The following HHAT variants were observed in gnomAD, a reference collection of about 807,000 sequenced individuals.
HHAT encodes the protein protein-cysteine N-palmitoyltransferase HHAT.
In HHAT, 47 loss-of-function variants were observed where a neutral mutation model predicts 70.8. The ratio of observed to expected loss-of-function variants is 0.66; its 90% CI spans 0.53 to 0.85. The LOEUF (loss-of-function observed/expected upper bound fraction) is 0.85. Ranked by LOEUF, HHAT falls within the 40% of genes least tolerant of loss-of-function variation. HHAT has a pLI of 0.00. For missense variants in HHAT, 609 were observed against 604.8 expected (o/e 1.01, Z -0.07); for synonymous variants, 228 against 247.6 (o/e 0.92, Z 0.74).
At chr1:210,558,473 C>T (rs966852069) in intron 9 of HHAT, among the ~76,000 whole-genome samples, 10 of 152,110 alleles carry the variant, frequency 6.6e-5, no homozygotes, top group Admixed American at 2.0e-4. Flanking sequence ...CAGGACTTGC[C>T]TTTGGGTCTT....
intron 3 of HHAT, chr1:210,374,211 C>G (rs1051331974): frequency 2.0e-5 from 3 of 152,112 alleles, no homozygotes; most frequent in Admixed American, 2.0e-4. Context: ...TGTTTCTCTC[C>G]ACGGAAATCT....
chr1:210,631,075 TACAA>T (rs960998366), intron 11 of HHAT: 2 of 456,634 alleles, frequency 4.4e-6, no homozygotes, highest in African/African-American at 4.0e-5. Context: ...CTGCATTTCT[TACAA>T]ACAGAGGTAC....
At chr1:210,438,259 G>T (rs1426516386) in intron 7 of HHAT, among the ~76,000 whole-genome samples, 1 of 151,812 alleles carries the variant, frequency 6.6e-6, no homozygotes, top group Non-Finnish European at 1.5e-5. Context: ...AGGTGGATCA[G>T]ATAACTCTAG....
chr1:210,522,432 C>T (rs977584099), intron 9 of HHAT, among the ~76,000 whole-genome samples: 3 of 152,124 alleles, frequency 2.0e-5, no homozygotes, highest in African/African-American at 7.2e-5. Context: ...TGAAGAGACC[C>T]GGGTAACCAA....
At chr1:210,382,555 AT>A (rs1168411880) in intron 3 of HHAT, among the ~76,000 whole-genome samples, 1 of 152,178 alleles carries the variant, frequency 6.6e-6, no homozygotes, top group African/African-American at 2.4e-5. Flanking sequence ...AGAGAGATCC[AT>A]TTTTCCCTCC....
intron 1 of HHAT, among the ~76,000 whole-genome samples, chr1:210,333,914 C>T (rs569452620): frequency 2.0e-5 from 3 of 152,194 alleles, no homozygotes; most frequent in South Asian, 4.1e-4. Flanking sequence ...ACCTTGGCCT[C>T]CCAAAGTGCT....
intron 10 of HHAT, chr1:210,588,977 C>G (rs1270576340): frequency 6.6e-6 from 1 of 152,156 alleles, no homozygotes; most frequent in Non-Finnish European, 1.5e-5. Flanking sequence ...ATGGGCATAG[C>G]TTTTATCTTG....
intron 10 of HHAT, chr1:210,590,152 G>A (rs1389284203): frequency 3.3e-5 from 5 of 152,062 alleles, no homozygotes; most frequent in African/African-American, 7.2e-5. Flanking sequence ...TGATTATTTA[G>A]TTCTTCCTCC....
At chr1:210,635,634 G>A (rs2148899893) in intron 11 of HHAT, among the ~76,000 whole-genome samples, 1 of 152,276 alleles carries the variant, frequency 6.6e-6, no homozygotes, top group African/African-American at 2.4e-5. Flanking sequence ...AATCTGTTAA[G>A]TCTTCATAAT....
At chr1:210,609,023 A>G (rs528176885) in intron 10 of HHAT, among the ~76,000 whole-genome samples, 5 of 152,122 alleles carry the variant, frequency 3.3e-5, no homozygotes, top group Non-Finnish European at 5.9e-5. Context: ...AAAATCCACT[A>G]TCATGTGAGC....
At chr1:210,499,082 T>C (rs113978615) in intron 8 of HHAT, among the ~76,000 whole-genome samples, 1 of 152,138 alleles carries the variant, frequency 6.6e-6, no homozygotes, top group African/African-American at 2.4e-5. Flanking sequence ...CAGTTTATTT[T>C]TATTTTTCCT....
chr1:210,404,476 A>C lies in HHAT; in HGVS notation c.481A>C (p.Lys161Gln), dbSNP rs764017113. The C allele has an allele frequency of 1.9e-6, 3 of 1,611,762 alleles. No homozygotes were observed. The Admixed American group carries it at 5.0e-5, about 27-fold the overall frequency. The change falls in exon 6 of 12, where the codon AAG becomes CAG. Residue 161 changes from lysine to glutamine, a missense_variant. Transcript: ENST00000261458. ...TTTGATTTTGTAGAGAAGGTGGTAC[A>C]AGACAGAAAACGAGTACTACCTGCT... ...GVEEVKRRWYKTENEYYLLQF... is the reference protein window; with the variant it reads ...GVEEVKRRWYQTENEYYLLQF...
At chr1:210,618,969 C>T (rs536765309) in intron 10 of HHAT, among the ~76,000 whole-genome samples, 4 of 152,270 alleles carry the variant, frequency 2.6e-5, no homozygotes, top group African/African-American at 7.2e-5. Context: ...GTGTCTTAGA[C>T]GGAAGTTTAA....
intron 9 of HHAT, among the ~76,000 whole-genome samples, chr1:210,524,915 T>A (rs1162541260): frequency 6.6e-6 from 1 of 152,040 alleles, no homozygotes; most frequent in Non-Finnish European, 1.5e-5. Flanking sequence ...TAATTATGCA[T>A]GTGAACATTA....
chr1:210,331,240 A>C (rs1042465469), intron 1 of HHAT, among the ~76,000 whole-genome samples: 1 of 149,454 alleles, frequency 6.7e-6, no homozygotes, highest in African/African-American at 2.5e-5. Context: ...GCAACTAGGC[A>C]GTCCCATCTG....
intron 1 of HHAT, among the ~76,000 whole-genome samples, chr1:210,335,223 T>C (rs2085369915): frequency 6.6e-6 from 1 of 151,918 alleles, no homozygotes; most frequent in Non-Finnish European, 1.5e-5. Context: ...ATGTAAACTT[T>C]GGCTAACACT....
intron 11 of HHAT, among the ~76,000 whole-genome samples, chr1:210,642,867 G>A (rs1372930442): frequency 6.6e-6 from 1 of 152,104 alleles, no homozygotes; most frequent in Non-Finnish European, 1.5e-5. Flanking sequence ...TTATCAGTGA[G>A]TTCCTTCATT....
chr1:210,394,173 C>T (rs148866474), intron 4 of HHAT, among the ~76,000 whole-genome samples: 1 of 150,632 alleles, frequency 6.6e-6, no homozygotes, highest in African/African-American at 2.4e-5. Flanking sequence ...TGGCTCATTC[C>T]ACCTCCTCCC....
chr1:210,589,194 A>T lies in HHAT; in HGVS notation c.1245+1095A>T, dbSNP rs564265269. 3.3e-5 allele frequency: 5 copies of T among 152,360 alleles called. No homozygotes were observed. The East Asian group carries it at 9.7e-4, about 29-fold the overall frequency. The allele number at this position is 152,360 out of a possible 1,614,324, so 9.4% of individuals were successfully genotyped here. Reference sequence around the variant, plus strand: ...TGAATAACTAAAGCAAATGCACTTTAAAAAGCCCTGTCAAAACAGAATACA... The same window carrying T: ...TGAATAACTAAAGCAAATGCACTTTTAAAAGCCCTGTCAAAACAGAATACA... On this transcript the variant is annotated intron_variant, in intron 10 of 11. Transcript: ENST00000261458.
Sources: allele counts gnomAD v4.1 joint callset (sites outside exome capture counted in the v4.1 genomes callset), GRCh38; gene constraint gnomAD v4.1.1; transcripts MANE v1.5; gene names NCBI Gene and HGNC (gene_info 2026-07-23, HGNC 2026-07-21).